CS: variants seen among roughly 807,000 people sequenced by gnomAD.
The protein encoded by CS is citrate synthase, also known as citrate synthase, mitochondrial.
In CS, 13 loss-of-function variants were observed where a neutral mutation model predicts 61.4. The ratio of observed to expected loss-of-function variants is 0.21; its 90% CI spans 0.14 to 0.34. The LOEUF (loss-of-function observed/expected upper bound fraction) is 0.34, where lower values mean the gene tolerates loss of function less well. Among genes scored for constraint, CS ranks in the 10% least tolerant of loss-of-function variants. CS has a pLI of 1.00. For missense variants in CS, 278 were observed against 573.4 expected (o/e 0.48, Z 5.26); for synonymous variants, 159 against 215.2 (o/e 0.74, Z 2.29).
chr12:56,284,650 C>A (rs1205117636), intron 3 of CS, among the ~76,000 whole-genome samples: 1 of 151,314 alleles, frequency 6.6e-6, no homozygotes, highest in Non-Finnish European at 1.5e-5. Context: ...GCCTGTAATC[C>A]CAGCACTTTG....
intron 4 of CS, 82 bp from the exon 5 acceptor site, chr12:56,283,073 A>G: frequency 6.7e-7 from 1 of 1,488,262 alleles, no homozygotes; most frequent in Non-Finnish European, 9.3e-7. Flanking sequence ...AGACCTTACA[A>G]CAAGTTAGAG....
intron 6 of CS, among the ~76,000 whole-genome samples, chr12:56,280,982 G>A (rs773652): frequency 0.8 from 122,234 of 152,038 alleles, 52,401 homozygotes; most frequent in South Asian, 0.98. Flanking sequence ...CACACAGTTG[G>A]TGCCAAATTA....
At chr12:56,278,713 A>G (rs1872692422) in intron 6 of CS, among the ~76,000 whole-genome samples, 1 of 151,132 alleles carries the variant, frequency 6.6e-6, no homozygotes, top group Non-Finnish European at 1.5e-5. Context: ...CTGCAGCCTG[A>G]GCGACAGAGA....
chr12:56,287,991 G>T (rs1872996214), intron 1 of CS, among the ~76,000 whole-genome samples: 1 of 152,096 alleles, frequency 6.6e-6, no homozygotes, highest in African/African-American at 2.4e-5. Flanking sequence ...GACCAATCAG[G>T]TTACTAACTA....
intron 8 of CS, 46 bp downstream of exon 8, chr12:56,274,955 TG>T (rs1565618987): frequency 6.2e-7 from 1 of 1,610,732 alleles, no homozygotes; most frequent in South Asian, 1.1e-5. Flanking sequence ...AAACAAAGCA[TG>T]GGGTAAGGAA....
chr12:56,291,167 A>C, intron 1 of CS: 2 of 915,304 alleles, frequency 2.2e-6, no homozygotes, highest in Non-Finnish European at 3.0e-6. Context: ...CTTTGTGCAT[A>C]GCTGAATTCA....
At chr12:56,300,108 G>A (rs1592417034) in intron 1 of CS, 52 bp downstream of exon 1, 5 of 1,532,086 alleles carry the variant, frequency 3.3e-6, no homozygotes, top group Non-Finnish European at 4.4e-6. Flanking sequence ...GAGGGCCTGC[G>A]GTCGCCTCAG....
intron 9 of CS, 45 bp from the exon 10 acceptor site, chr12:56,273,841 T>C (rs1257394727): frequency 6.5e-7 from 1 of 1,536,856 alleles, no homozygotes; most frequent in Non-Finnish European, 9.0e-7. Flanking sequence ...GTAGAAATTC[T>C]TTTATTTTTC....
At position 56,273,733 on chromosome 12, in the gene CS, C is replaced by G; in HGVS notation, c.1084G>C (p.Glu362Gln). The G allele has an allele frequency of 1.2e-6, 2 of 1,614,240 alleles. No homozygotes were observed. Among genetic ancestry groups the G allele is most frequent in the South Asian group, 2.2e-5 (2 of 91,090 alleles). Residue 362 changes from glutamate (E) to glutamine (Q), a missense_variant, in exon 10 of 11, where the codon GAG becomes CAG. This residue lies in a region of CS where 223 missense variants were observed against 503.5 expected (regional missense o/e 0.44). Transcript: ENST00000351328. ...KTDPRYTCQR[E>Q]FALKHLPNDP... ...TTAGGCAGGTGTTTCAGAGCAAACTCTCGCTGACAGGTATATCGCGGATCA... is the reference window on the plus strand; with the variant it reads ...TTAGGCAGGTGTTTCAGAGCAAACTGTCGCTGACAGGTATATCGCGGATCA...
At chr12:56,283,021 C>G (rs775131871) in intron 4 of CS, 30 bp from the exon 5 acceptor site, 19 of 1,611,762 alleles carry the variant, frequency 1.2e-5, no homozygotes, top group African/African-American at 2.7e-5. Context: ...AATTACAACT[C>G]AAGTTTATAG....
intron 6 of CS, among the ~76,000 whole-genome samples, chr12:56,280,427 A>AAAAAAC (rs1565620566): frequency 7.1e-5 from 10 of 140,760 alleles, no homozygotes; most frequent in Non-Finnish European, 1.4e-4. Context: ...AAAAAAAACA[A>AAAAAAC]AAAAAAAAAA....
chr12:56,282,326 A>T, intron 6 of CS, 94 bp downstream of exon 6: 1 of 1,035,618 alleles, frequency 9.7e-7, no homozygotes, highest in Non-Finnish European at 1.4e-6. Flanking sequence ...ACTCAGAGGT[A>T]ATTTTTCTAA....
At chr12:56,281,097 G>C (rs772331407) in intron 6 of CS, among the ~76,000 whole-genome samples, 1 of 152,194 alleles carries the variant, frequency 6.6e-6, no homozygotes, top group Admixed American at 6.5e-5. Flanking sequence ...GAACTCTTTA[G>C]GGCCTTCCTG....
intron 1 of CS, chr12:56,291,144 A>T (rs187422175): frequency 1.4e-6 from 1 of 726,850 alleles, no homozygotes; most frequent in Non-Finnish European, 2.0e-6. Context: ...TCATAAAAGC[A>T]TCTAGAACAG....
In CS at chr12:56,272,946, A is replaced by G. The variant is rs1475445694; in HGVS notation, c.*138T>C. ...TTTTCATCTTTTAAAGTCTTAATTT[A>G]TATTTTAACCTCAAACATATTATCA... On this transcript the variant is annotated 3_prime_UTR_variant, in exon 11 of 11. Transcript: ENST00000351328. The G allele has an allele frequency of 2.1e-5, 13 of 630,114 alleles. No homozygotes were observed. The highest frequency in any genetic ancestry group is 3.0e-5 in the Admixed American group (1 of 32,806). The allele number at this position is 630,114 out of a possible 1,614,324, so 39.0% of individuals were successfully genotyped here. A position where few individuals can be genotyped will look rare whatever the true frequency, so the allele number is the denominator to read the frequency against.
At chr12:56,286,441 T>C (rs984363089) in intron 2 of CS, 154 bp downstream of exon 2, 10 of 603,242 alleles carry the variant, frequency 1.7e-5, no homozygotes, top group African/African-American at 3.7e-5. Context: ...AATAGTAATA[T>C]AATAATAATA....
At chr12:56,285,533 C>T (rs1048604990) in intron 3 of CS, among the ~76,000 whole-genome samples, 2 of 152,188 alleles carry the variant, frequency 1.3e-5, no homozygotes, top group African/African-American at 4.8e-5. Flanking sequence ...AGTGATTCTC[C>T]AACTGCAGCC....
In CS at chr12:56,276,019, C is replaced by G. The variant is rs767299120; in HGVS notation, c.765G>C (p.Thr255=). 25 of 1,614,146 alleles carry G rather than the reference C, an allele frequency of 1.5e-5. No homozygotes were observed. Among genetic ancestry groups the G allele is most frequent in the Non-Finnish European group, 2.0e-5 (24 of 1,180,030 alleles). ...ACCTGTGGATGGTGAGGTACAGGCG[C>G]GTGAGCTCAGTGAACTGATGATCAG... ...GYTDHQFTEL[T]RLYLTIHSDH... Residue 255 remains threonine, a synonymous_variant, in exon 7 of 11, where the codon ACG becomes ACC. Transcript: ENST00000351328.
At chr12:56,287,859 T>C (rs1161335724) in intron 1 of CS, among the ~76,000 whole-genome samples, 4 of 152,186 alleles carry the variant, frequency 2.6e-5, no homozygotes, top group Admixed American at 6.6e-5. Flanking sequence ...GGTTTCACCA[T>C]GTTGGCCACG....
Sources: allele counts gnomAD v4.1 joint callset (sites outside exome capture counted in the v4.1 genomes callset), GRCh38; gene constraint gnomAD v4.1.1; regional missense constraint gnomAD v4.1.1; transcripts MANE v1.5; gene names NCBI Gene and HGNC (gene_info 2026-07-23, HGNC 2026-07-21).